The following LRP1B variants were observed in gnomAD, a reference collection of about 807,000 sequenced individuals.
LRP1B encodes the protein LDL receptor related protein 1B.
Under a neutral mutation model 556.6 loss-of-function variants are expected in LRP1B, and 217 were observed. The ratio of observed to expected loss-of-function variants is 0.39; its 90% CI spans 0.35 to 0.44. The LOEUF (loss-of-function observed/expected upper bound fraction) is 0.44. LRP1B is among the 20% of genes least tolerant of loss of function. The pLI is 1.00. For synonymous variants in LRP1B, 2,047 were observed against 1,865.8 expected, an observed-to-expected ratio of 1.10 and a Z score of -2.50; for missense variants, 5,053 against 5,620.8, an observed-to-expected ratio of 0.90 and a Z score of 3.23.
At chr2:141,314,855 T>TAC (rs1686950684) in intron 3 of LRP1B, among the ~76,000 whole-genome samples, 2 of 126,928 alleles carry the variant, frequency 1.6e-5, no homozygotes, top group South Asian at 2.6e-4. Context: ...CACATATATA[T>TAC]ACATATATAT....
At chr2:141,464,702 G>T (rs62168039) in intron 3 of LRP1B, among the ~76,000 whole-genome samples, 13,038 of 149,436 alleles carry the variant, frequency 0.087, 656 homozygotes, top group Non-Finnish European at 0.1. Flanking sequence ...AAAGTGCTGG[G>T]ATTACAGGCA....
chr2:141,843,830 G>T (rs1178453635), intron 1 of LRP1B, among the ~76,000 whole-genome samples: 1 of 152,074 alleles, frequency 6.6e-6, no homozygotes. Context: ...TGGCCTCCTT[G>T]CTGAGGCAGT....
intron 1 of LRP1B, among the ~76,000 whole-genome samples, chr2:142,022,832 G>A (rs748630489): frequency 2.0e-5 from 3 of 151,996 alleles, no homozygotes; most frequent in Non-Finnish European, 4.4e-5. Context: ...CATCACGCCC[G>A]GCTAATTTTT....
At chr2:142,044,484 C>T (rs1207678052) in intron 1 of LRP1B, among the ~76,000 whole-genome samples, 1 of 151,662 alleles carries the variant, frequency 6.6e-6, no homozygotes, top group Admixed American at 6.6e-5. Flanking sequence ...AAGATGAGCG[C>T]ACAGTAGGCA....
intron 7 of LRP1B, among the ~76,000 whole-genome samples, chr2:141,073,972 C>T (rs1316726368): frequency 6.6e-6 from 1 of 152,084 alleles, no homozygotes; most frequent in Non-Finnish European, 1.5e-5. Flanking sequence ...AAAGACAGCA[C>T]ATTAACATGA....
chr2:142,033,179 T>A (rs1259831713), intron 1 of LRP1B, among the ~76,000 whole-genome samples: 3 of 151,852 alleles, frequency 2.0e-5, no homozygotes, highest in Non-Finnish European at 4.4e-5. Flanking sequence ...TTAATTCCTA[T>A]AATTAGGAAT....
intron 1 of LRP1B, among the ~76,000 whole-genome samples, chr2:141,953,243 CAT>C (rs1225820286): frequency 6.6e-6 from 1 of 152,042 alleles, no homozygotes; most frequent in Non-Finnish European, 1.5e-5. Context: ...CATTCTAAAA[CAT>C]ATATGTCACC....
At chr2:141,852,983 A>G (rs1035752803) in intron 1 of LRP1B, among the ~76,000 whole-genome samples, 3 of 151,714 alleles carry the variant, frequency 2.0e-5, no homozygotes, top group Non-Finnish European at 4.4e-5. Context: ...CATTACAAAT[A>G]TATACATTAA....
At chr2:142,034,952 A>G (rs1393651166) in intron 1 of LRP1B, among the ~76,000 whole-genome samples, 1 of 151,768 alleles carries the variant, frequency 6.6e-6, no homozygotes, top group African/African-American at 2.4e-5. Flanking sequence ...TGGAATTAAT[A>G]TGAATATTTG....
At chr2:141,581,610 A>C (rs373542312) in intron 2 of LRP1B, among the ~76,000 whole-genome samples, 3 of 152,308 alleles carry the variant, frequency 2.0e-5, no homozygotes, top group African/African-American at 7.2e-5. Flanking sequence ...TCTATCCATG[A>C]AAAAAATTGG....
intron 3 of LRP1B, among the ~76,000 whole-genome samples, chr2:141,278,534 A>G (rs1685390523): frequency 6.6e-6 from 1 of 152,282 alleles, no homozygotes; most frequent in South Asian, 2.1e-4. Context: ...AGTAAAGCAG[A>G]GTGAATTTCC....
intron 41 of LRP1B, among the ~76,000 whole-genome samples, chr2:140,643,190 A>G (rs1471098491): frequency 1.3e-5 from 2 of 152,170 alleles, no homozygotes; most frequent in African/African-American, 2.4e-5. Flanking sequence ...AAAAATGTAT[A>G]TATACCCAGG....
intron 2 of LRP1B, among the ~76,000 whole-genome samples, chr2:141,616,987 A>G (rs949660913): frequency 1.3e-5 from 2 of 151,882 alleles, no homozygotes; most frequent in Non-Finnish European, 2.9e-5. Context: ...AATCAGACTT[A>G]CTCTTCAGGT....
At chr2:141,260,873 T>G (rs1044466161) in intron 3 of LRP1B, among the ~76,000 whole-genome samples, 1 of 152,204 alleles carries the variant, frequency 6.6e-6, no homozygotes, top group African/African-American at 2.4e-5. Flanking sequence ...TGGGATGATA[T>G]TTCATTCTCA....
intron 66 of LRP1B, among the ~76,000 whole-genome samples, chr2:140,421,880 T>C (rs1685459483): frequency 6.6e-6 from 1 of 152,192 alleles, no homozygotes; most frequent in Admixed American, 6.5e-5. Context: ...CTCCTGAAAC[T>C]GTCCAGTGCC....
At position 141,116,666 on chromosome 2, in the gene LRP1B, T is replaced by C. The variant is rs189306881; in HGVS notation, c.1014-54393A>G. 8.2e-4 allele frequency among the ~76,000 whole-genome samples: 125 copies of C among 152,160 alleles called. 1 individual carries two copies. Among genetic ancestry groups the C allele is most frequent in the Non-Finnish European group, 1.4e-3 (92 of 67,964 alleles). ...ATCTTTATTTTTATAATAGAAAAAA[T>C]TGACGTCTGAAGTATGTATTTGATT... is the stretch of plus-strand genomic sequence containing the variant. On this transcript the variant is annotated intron_variant, in intron 7 of 90. Coordinates refer to ENST00000389484, the MANE Select transcript of LRP1B (RefSeq NM_018557.3).
Position 142,059,427 on chromosome 2 carries a change from T to A in LRP1B, c.82+71221A>T, listed in dbSNP as rs1253807298. 1.3e-5 allele frequency among the ~76,000 whole-genome samples: 2 copies of A among 152,242 alleles called. 1 individual carries two copies. Among genetic ancestry groups the A allele is most frequent in the African/African-American group, 4.8e-5 (2 of 41,584 alleles). Reference sequence around the variant, plus strand: ...CTATAAAAATGAGTTTATGTTTAAGTGACCATACTAATTGACAAAATGGTT... The same window carrying A: ...CTATAAAAATGAGTTTATGTTTAAGAGACCATACTAATTGACAAAATGGTT... On this transcript the variant is annotated intron_variant, in intron 1 of 90. Coordinates refer to ENST00000389484, the MANE Select transcript of LRP1B (RefSeq NM_018557.3).
intron 2 of LRP1B, among the ~76,000 whole-genome samples, chr2:141,806,521 G>A (rs1167017502): frequency 6.6e-6 from 1 of 151,962 alleles, no homozygotes; most frequent in African/African-American, 2.4e-5. Context: ...TTCCAATTGT[G>A]TATTTTAGAT....
intron 84 of LRP1B, among the ~76,000 whole-genome samples, chr2:140,279,662 GCTTA>G (rs1558767207): frequency 6.6e-6 from 1 of 151,838 alleles, no homozygotes; most frequent in Non-Finnish European, 1.5e-5. Flanking sequence ...GTGGAAACTG[GCTTA>G]CTAATTTAGC....
Sources: gnomAD v4.1 joint callset for allele counts (sites outside exome capture counted in the v4.1 genomes callset) on GRCh38, gnomAD v4.1.1 for gene constraint, MANE v1.5 for transcripts, NCBI Gene and HGNC (gene_info 2026-07-23, HGNC 2026-07-21) for gene names.